Variants in UBE2D2 observed in about 807,000 individuals in gnomAD.
The protein encoded by UBE2D2 is ubiquitin conjugating enzyme E2 D2, also known as ubiquitin-conjugating enzyme E2 D2.
A neutral mutation model predicts 24.2 loss-of-function variants in UBE2D2; 2 were observed. The ratio of observed to expected loss-of-function variants is 0.08; its 90% CI spans 0.03 to 0.26. The LOEUF (loss-of-function observed/expected upper bound fraction) is 0.26, where lower values mean the gene tolerates loss of function less well. Ranked by LOEUF, UBE2D2 falls within the 10% of genes least tolerant of loss-of-function variation. UBE2D2 has a pLI of 1.00. For missense variants in UBE2D2, 44 were observed against 177.6 expected, an observed-to-expected ratio of 0.25 and a Z score of 4.28; for synonymous variants, 58 against 56.5, an observed-to-expected ratio of 1.03 and a Z score of -0.12.
At chr5:139,608,221 C>T (rs955680433) in intron 2 of UBE2D2, among the ~76,000 whole-genome samples, 15 of 152,076 alleles carry the variant, frequency 9.9e-5, no homozygotes, top group African/African-American at 3.6e-4. Flanking sequence ...TGCCTGAGCT[C>T]AGGAGTTTGA....
chr5:139,596,882 A>G (rs1375938598), intron 1 of UBE2D2, among the ~76,000 whole-genome samples: 1 of 151,850 alleles, frequency 6.6e-6, no homozygotes, highest in Non-Finnish European at 1.5e-5. Context: ...CATCTCTTCT[A>G]AAAATACAAA....
At chr5:139,538,451 T>C (rs1752715048) in intron 1 of UBE2D2, among the ~76,000 whole-genome samples, 1 of 152,100 alleles carries the variant, frequency 6.6e-6, no homozygotes, top group Non-Finnish European at 1.5e-5. Flanking sequence ...GGAAAGAAAT[T>C]CTACACATGC....
rs1753595999 is a variant in UBE2D2 at position 139,581,216 on chromosome 5, A to G, written c.25-19156A>G. On this transcript the variant is annotated intron_variant, in intron 1 of 6. Transcript: ENST00000398733. ...GTAATCCCAGCACTTTGGGAGGCCG[A>G]GGCGGGTGGATCATGAGGTCAGGAG... 2.0e-5 allele frequency among the ~76,000 whole-genome samples: 3 copies of G among 152,284 alleles called. No individual in the cohort carries two copies. In the South Asian group the frequency reaches 6.2e-4, roughly 32 times the overall value.
chr5:139,621,002 C>T (rs371125094), intron 5 of UBE2D2, among the ~76,000 whole-genome samples: 172 of 152,254 alleles, frequency 1.1e-3, no homozygotes, highest in African/African-American at 3.8e-3. Flanking sequence ...CCCAGCACTT[C>T]GGGAGGCCGA....
chr5:139,529,179 A>G (rs1378528983), intron 1 of UBE2D2, among the ~76,000 whole-genome samples: 1 of 152,204 alleles, frequency 6.6e-6, no homozygotes, highest in Non-Finnish European at 1.5e-5. Context: ...TGTTTGTATA[A>G]TAACACTCAG....
At chr5:139,567,580 C>T (rs909542887) in intron 1 of UBE2D2, among the ~76,000 whole-genome samples, 18 of 133,760 alleles carry the variant, frequency 1.3e-4, no homozygotes, top group Admixed American at 5.0e-4. Context: ...GTTGCCCAGG[C>T]TGGAGTGCAG....
chr5:139,584,687 C>CT (rs1297371084), intron 1 of UBE2D2, among the ~76,000 whole-genome samples: 61 of 151,466 alleles, frequency 4.0e-4, no homozygotes, highest in African/African-American at 1.5e-3. Flanking sequence ...CATGTGCCAC[C>CT]ATACCCGGCT....
At chr5:139,546,640 G>A (rs534658293) in intron 1 of UBE2D2, among the ~76,000 whole-genome samples, 6 of 151,692 alleles carry the variant, frequency 4.0e-5, no homozygotes, top group African/African-American at 1.2e-4. Flanking sequence ...GCACCACCAC[G>A]CCCAGCTAAT....
At chr5:139,601,385 A>G (rs527563913) in intron 2 of UBE2D2, among the ~76,000 whole-genome samples, 10 of 152,132 alleles carry the variant, frequency 6.6e-5, no homozygotes, top group South Asian at 2.1e-4. Context: ...AGGTGAATCA[A>G]TTGAGCCCAG....
chr5:139,574,735 CAA>C (rs75539434), intron 1 of UBE2D2, among the ~76,000 whole-genome samples: 7,279 of 70,584 alleles, frequency 0.1, 212 homozygotes, highest in South Asian at 0.19. Context: ...GGTGGGGTGG[CAA>C]AAAAAAAAAA....
intron 1 of UBE2D2, among the ~76,000 whole-genome samples, chr5:139,529,651 AT>A (rs1752578358): frequency 6.6e-6 from 1 of 152,162 alleles, no homozygotes; most frequent in Admixed American, 6.6e-5. Context: ...ATAAAAAAAA[AT>A]GTAACATTAG....
intron 1 of UBE2D2, among the ~76,000 whole-genome samples, chr5:139,542,166 G>A (rs1028449709): frequency 1.3e-5 from 2 of 152,098 alleles, no homozygotes; most frequent in Admixed American, 6.6e-5. Flanking sequence ...CACCCTGGGC[G>A]ACAGAGCGAG....
intron 1 of UBE2D2, among the ~76,000 whole-genome samples, chr5:139,593,187 G>T (rs1472826819): frequency 6.6e-6 from 1 of 151,286 alleles, no homozygotes; most frequent in Admixed American, 6.6e-5. Context: ...GTAGAGACAG[G>T]GTTTCACCAC....
intron 5 of UBE2D2, among the ~76,000 whole-genome samples, chr5:139,615,829 ATTTTTTTTTTT>A (rs200247238): frequency 6.3e-5 from 6 of 95,432 alleles, no homozygotes; most frequent in African/African-American, 2.4e-4. Context: ...AATAATCTAG[ATTTTTTTTTTT>A]TTTTTTTTTT....
upstream of UBE2D2, chr5:139,561,147 C>CGCCCAGG (rs1561502236): frequency 1.3e-5 from 2 of 152,696 alleles, no homozygotes; most frequent in East Asian, 3.9e-4. Context: ...CTCTAGATCT[C>CGCCCAGG]GCGAGATCTC....
intron 1 of UBE2D2, among the ~76,000 whole-genome samples, chr5:139,542,988 C>T (rs972402419): frequency 6.6e-6 from 1 of 152,130 alleles, no homozygotes; most frequent in Non-Finnish European, 1.5e-5. Context: ...CCTCTGCCTC[C>T]CAGGTTCAAG....
intron 1 of UBE2D2, among the ~76,000 whole-genome samples, chr5:139,555,861 G>C (rs1460973593): frequency 6.9e-6 from 1 of 144,454 alleles, no homozygotes; most frequent in Non-Finnish European, 1.5e-5. Context: ...GGGAGGCAGA[G>C]GTTGCAGTGA....
At chr5:139,594,261 G>A (rs1365553737) in intron 1 of UBE2D2, among the ~76,000 whole-genome samples, 1 of 152,182 alleles carries the variant, frequency 6.6e-6, no homozygotes, top group African/African-American at 2.4e-5. Context: ...CAAGGATATA[G>A]TGAAAGGGAA....
chr5:139,540,062 G>A (rs1213567393), intron 1 of UBE2D2, among the ~76,000 whole-genome samples: 12 of 151,792 alleles, frequency 7.9e-5, no homozygotes, highest in African/African-American at 2.4e-4. Context: ...TGGGATTACA[G>A]GCATGCACCA....
Sources: allele counts gnomAD v4.1 joint callset (sites outside exome capture counted in the v4.1 genomes callset), GRCh38; gene constraint gnomAD v4.1.1; transcripts MANE v1.5; gene names NCBI Gene and HGNC (gene_info 2026-07-23, HGNC 2026-07-21).